Variants in FER observed in about 807,000 individuals in gnomAD.
FER encodes the protein tyrosine-protein kinase Fer.
A neutral mutation model predicts 111.0 loss-of-function variants in FER; 63 were observed. The observed-to-expected ratio is 0.57, with a 90% CI of 0.46 to 0.70. The LOEUF (loss-of-function observed/expected upper bound fraction) is 0.70, where lower values mean the gene tolerates loss of function less well. Among genes scored for constraint, FER ranks in the 30% least tolerant of loss-of-function variants. The probability of loss-of-function intolerance (pLI) is 0.00; values close to 1 mark genes in which losing one functional copy is unlikely to be tolerated. For missense variants in FER, 914 were observed against 954.0 expected, an observed-to-expected ratio of 0.96 and a Z score of 0.55; for synonymous variants, 327 against 313.9, an observed-to-expected ratio of 1.04 and a Z score of -0.44.
Position 108,872,178 on chromosome 5 carries a change from T to G in FER, c.889T>G (p.Trp297Gly). The G allele has an allele frequency of 6.2e-7, 1 of 1,611,358 alleles. No homozygotes were observed. The highest frequency in any genetic ancestry group is 8.5e-7 in the Non-Finnish European group (1 of 1,178,652). ...AAATCTTCAGGCAAATGAGATCATG[T>G]GGAATAACTTAACAGCAGAAAGTTT... is the stretch of plus-strand genomic sequence containing the variant. ...NENLQANEIM[W>G]NNLTAESLQV... The change falls in exon 8 of 20, where the codon TGG (tryptophan) becomes GGG (glycine). Residue 297 changes from tryptophan to glycine, a missense_variant. Transcript: ENST00000281092.
At chr5:108,803,544 G>A (rs192817647) in intron 3 of FER, among the ~76,000 whole-genome samples, 16 of 152,170 alleles carry the variant, frequency 1.1e-4, no homozygotes, top group Admixed American at 9.8e-4. Flanking sequence ...TCATTCTTCT[G>A]CATATAAAGC....
chr5:109,031,592 G>C (rs1048351677), intron 13 of FER, among the ~76,000 whole-genome samples: 12 of 152,106 alleles, frequency 7.9e-5, no homozygotes, highest in Non-Finnish European at 1.6e-4. Flanking sequence ...TCCATGGCCT[G>C]GTTAGAAAGT....
intron 1 of FER, among the ~76,000 whole-genome samples, chr5:108,754,605 C>A (rs934462323): frequency 2.0e-5 from 3 of 151,868 alleles, no homozygotes; most frequent in Middle Eastern, 3.4e-3. Context: ...TAATAGAGAC[C>A]TATATTTAAA....
intron 11 of FER, among the ~76,000 whole-genome samples, chr5:108,948,177 C>G (rs1295835751): frequency 6.6e-6 from 1 of 152,018 alleles, no homozygotes; most frequent in Non-Finnish European, 1.5e-5. Flanking sequence ...GGTATTTTTA[C>G]TGGACGTGAC....
chr5:109,008,649 T>C (rs554020610), intron 13 of FER, among the ~76,000 whole-genome samples: 71 of 152,312 alleles, frequency 4.7e-4, no homozygotes, highest in Non-Finnish European at 7.3e-5. Flanking sequence ...CGTATTTCCT[T>C]ACAGTCTTTT....
At chr5:108,872,037 G>T in intron 7 of FER, 56 bp from the exon 8 acceptor site, 1 of 1,525,904 alleles carries the variant, frequency 6.6e-7, no homozygotes, top group South Asian at 1.2e-5. Context: ...TGTATATGAA[G>T]ATATATTATG....
Position 109,188,373 on chromosome 5 carries a change from A to C in FER, c.*798A>C, listed in dbSNP as rs1759107917. The stretch of plus-strand genomic sequence containing the variant: ...GAGACCAGCCTGGCTTGCATGGTGA[A>C]ACCCTGTCTCTACCAAAAAAAAAAA... On this transcript the variant is annotated 3_prime_UTR_variant, in exon 20 of 20. Coordinates refer to ENST00000281092, the MANE Select transcript of FER (RefSeq NM_005246.4). 8.0e-6 allele frequency: 1 copy of C among 124,596 alleles called. No individual in the cohort carries two copies. Among genetic ancestry groups the C allele is most frequent in the South Asian group, 2.8e-4 (1 of 3,580 alleles). The allele number at this position is 124,596 out of a possible 1,614,324, so 7.7% of individuals were successfully genotyped here.
chr5:109,040,244 T>G (rs1231060853), intron 14 of FER, among the ~76,000 whole-genome samples: 1 of 152,062 alleles, frequency 6.6e-6, no homozygotes, highest in African/African-American at 2.4e-5. Flanking sequence ...TAGTTGTTAG[T>G]ATATAGCTGG....
intron 2 of FER, among the ~76,000 whole-genome samples, chr5:108,770,400 C>G (rs529249085): frequency 6.6e-6 from 1 of 152,234 alleles, no homozygotes; most frequent in East Asian, 1.9e-4. Flanking sequence ...AGATTTTTGG[C>G]CAGTCCGAAA....
intron 13 of FER, among the ~76,000 whole-genome samples, chr5:108,998,851 C>T (rs758611464): frequency 6.6e-6 from 1 of 151,998 alleles, no homozygotes; most frequent in South Asian, 2.1e-4. Context: ...TGCTGGATTC[C>T]GTTTGCCAAT....
chr5:108,765,770 T>C (rs1159780919), intron 1 of FER, among the ~76,000 whole-genome samples: 2 of 152,130 alleles, frequency 1.3e-5, no homozygotes, highest in Non-Finnish European at 2.9e-5. Flanking sequence ...AATTGGATGA[T>C]CTAGTAATTT....
At chr5:108,876,723 C>CT (rs1247887720) in intron 8 of FER, among the ~76,000 whole-genome samples, 1 of 152,084 alleles carries the variant, frequency 6.6e-6, no homozygotes, top group African/African-American at 2.4e-5. Context: ...CAGTACTAGT[C>CT]TATGTACTGT....
At chr5:108,845,027 T>C (rs1433702458) in intron 5 of FER, among the ~76,000 whole-genome samples, 8 of 55,652 alleles carry the variant, frequency 1.4e-4, no homozygotes, top group East Asian at 6.4e-4. Flanking sequence ...TATATATATA[T>C]ATATATATAT....
chr5:109,147,794 TATATATAGAGAGAGAGAG>T (rs151333002), intron 17 of FER, among the ~76,000 whole-genome samples: 4,243 of 133,404 alleles, frequency 0.032, 94 homozygotes, highest in East Asian at 0.059. Context: ...TATATATATA[TATATATAGAGAGAGAGAG>T]AGAGAGAGAG....
intron 5 of FER, chr5:108,841,830 G>T: frequency 2.3e-6 from 1 of 429,148 alleles, no homozygotes; most frequent in Non-Finnish European, 4.6e-6. Context: ...TGTCTTATCA[G>T]TGAAGAAGTG....
At chr5:108,849,740 A>G (rs910267238) in intron 5 of FER, among the ~76,000 whole-genome samples, 8 of 152,182 alleles carry the variant, frequency 5.3e-5, no homozygotes, top group African/African-American at 1.4e-4. Context: ...GAGATGCCAT[A>G]CATTGTGCAT....
At chr5:108,960,860 A>G (rs1759053256) in intron 13 of FER, among the ~76,000 whole-genome samples, 1 of 152,190 alleles carries the variant, frequency 6.6e-6, no homozygotes, top group African/African-American at 2.4e-5. Flanking sequence ...CTTCTTTGAC[A>G]TCTCTTTCTT....
chr5:108,945,211 G>A (rs1756815644), intron 10 of FER, among the ~76,000 whole-genome samples: 1 of 152,150 alleles, frequency 6.6e-6, no homozygotes, highest in African/African-American at 2.4e-5. Flanking sequence ...TAGTGTGCTT[G>A]ACAAAAGGAT....
chr5:108,980,608 A>G, intron 13 of FER, among the ~76,000 whole-genome samples: 1 of 152,232 alleles, frequency 6.6e-6, no homozygotes, highest in East Asian at 1.9e-4. Context: ...TCTGTTTGAA[A>G]TTGGTTGGTT....
Sources: allele counts gnomAD v4.1 joint callset (sites outside exome capture counted in the v4.1 genomes callset), GRCh38; gene constraint gnomAD v4.1.1; transcripts MANE v1.5; gene names NCBI Gene and HGNC (gene_info 2026-07-23, HGNC 2026-07-21).